Variants in PLK1 observed in about 807,000 individuals in gnomAD.
The protein encoded by PLK1 is polo like kinase 1, also known as serine/threonine-protein kinase PLK1.
Under a neutral mutation model 56.7 loss-of-function variants are expected in PLK1, and 6 were observed. That is an observed-to-expected ratio of 0.11 (90% CI 0.06 to 0.21). The LOEUF is 0.21. Among genes scored for constraint, PLK1 ranks in the 10% least tolerant of loss-of-function variants. The pLI, the probability that PLK1 is intolerant of heterozygous loss-of-function variation, is 1.00. For synonymous variants in PLK1, 298 were observed against 325.0 expected, an observed-to-expected ratio of 0.92 and a Z score of 0.89; for missense variants, 546 against 814.4, an observed-to-expected ratio of 0.67 and a Z score of 4.01.
chr16:23,680,711 G>A lies in PLK1; in HGVS notation c.578-203G>A, dbSNP rs552019684. Among the ~76,000 whole-genome samples, 9 of 152,334 alleles carry A rather than the reference G, an allele frequency of 5.9e-5. No individual in the cohort carries two copies. In the South Asian group the frequency reaches 1.5e-3, roughly 25 times the overall value. On this transcript the variant is annotated intron_variant, in intron 2 of 9. Transcript: ENST00000300093. The stretch of plus-strand genomic sequence containing the variant: ...AAAGCATAGCCCCTTTCTAAAAGGA[G>A]GGGTGAGAAGTGTCACTGGAGGCAC...
chr16:23,680,161 T>C lies in PLK1; in HGVS notation c.486T>C (p.Leu162=). The C allele has an allele frequency of 6.2e-7, 1 of 1,613,940 alleles. No individual in the cohort carries two copies. The highest frequency in any genetic ancestry group is 8.5e-7 in the Non-Finnish European group (1 of 1,179,864). The change falls in exon 2 of 10, where the codon CTT becomes CTC. Residue 162 remains leucine, a synonymous_variant. Transcript: ENST00000300093. ...GATACTACCTACGGCAAATTGTGCT[T>C]GGCTGCCAGTACCTGCACCGAAACC... ...EARYYLRQIV[L]GCQYLHRNRV...
chr16:23,679,856 T>G, intron 1 of PLK1: 2 of 421,422 alleles, frequency 4.7e-6, no homozygotes, highest in Non-Finnish European at 4.2e-6. Flanking sequence ...GGAGAAGGGG[T>G]GCTGCGAATG....
chr16:23,681,080 G>A (rs765723666), intron 3 of PLK1, 22 bp downstream of exon 3: 2 of 1,609,476 alleles, frequency 1.2e-6, no homozygotes, highest in Non-Finnish European at 1.7e-6. Context: ...GTTGTCTCTG[G>A]ACCAACCTGG....
chr16:23,680,034 G>T, intron 1 of PLK1, 50 bp from the exon 2 acceptor site: 1 of 1,358,216 alleles, frequency 7.4e-7, no homozygotes. Context: ...CTTCCCCACC[G>T]GCCTCAATCC....
At chr16:23,679,904 G>A (rs117453848) in intron 1 of PLK1, 180 bp from the exon 2 acceptor site, 83 of 574,142 alleles carry the variant, frequency 1.4e-4, no homozygotes, top group Non-Finnish European at 2.4e-4. Flanking sequence ...AGATGCCGCT[G>A]TGCTGGAGAA....
intron 4 of PLK1, 54 bp downstream of exon 4, chr16:23,682,211 T>A (rs1008520309): frequency 1.0e-6 from 1 of 1,000,800 alleles, no homozygotes; most frequent in Admixed American, 1.7e-5. Context: ...AGAAGCTGTT[T>A]ATGGAGCCCA....
At chr16:23,687,241 G>C in intron 5 of PLK1, 1 of 328,500 alleles carries the variant, frequency 3.0e-6, no homozygotes. Context: ...TCATCCTGCA[G>C]GGCCACACCG....
At position 23,689,373 on chromosome 16, in the gene PLK1, C is replaced by G. The variant is rs1172564502; in HGVS notation, c.1406C>G (p.Pro469Arg). The change falls in exon 8 of 10, where the codon CCC (proline) becomes CGC (arginine). Residue 469 changes from proline to arginine, a missense_variant. By Grantham distance (103) the Pro-to-Arg change is moderately radical (BLOSUM62 -2). Transcript: ENST00000300093. The surrounding 1 kb of genome is among the most constrained non-coding windows in gnomAD (Gnocchi z 4.8). ...TCCTACCTCACCGTGAGTTCCCATCCCAACTCCTTGATGAAGAAGGTGAGT... is the reference window on the plus strand; with the variant it reads ...TCCTACCTCACCGTGAGTTCCCATCGCAACTCCTTGATGAAGAAGGTGAGT... ...TESYLTVSSH[P>R]NSLMKKITLL... 1 of 1,611,450 alleles carries G rather than the reference C, an allele frequency of 6.2e-7. No individual in the cohort carries two copies. Among genetic ancestry groups the G allele is most frequent in the East Asian group, 2.2e-5 (1 of 44,754 alleles).
chr16:23,687,348 G>C, intron 5 of PLK1, 121 bp from the exon 6 acceptor site: 1 of 749,300 alleles, frequency 1.3e-6, no homozygotes, highest in Non-Finnish European at 2.1e-6. Flanking sequence ...TAGTAACCAG[G>C]CACTGATTCA....
chr16:23,682,714 T>G (rs1189321764), intron 4 of PLK1, among the ~76,000 whole-genome samples: 1 of 149,052 alleles, frequency 6.7e-6, no homozygotes, highest in Non-Finnish European at 1.5e-5. Flanking sequence ...GTATTTTTAG[T>G]AGAGACGGGG....
chr16:23,687,269 G>A, intron 5 of PLK1, 200 bp from the exon 6 acceptor site: 1 of 394,538 alleles, frequency 2.5e-6, no homozygotes. Flanking sequence ...AGAGGCCACG[G>A]CTTCTGAAGA....
chr16:23,681,990 G>A (rs771853234), intron 3 of PLK1, 74 bp from the exon 4 acceptor site: 69 of 831,606 alleles, frequency 8.3e-5, no homozygotes, highest in Admixed American at 3.1e-4. Flanking sequence ...CCTTTGTTCT[G>A]ACCCTGAGAT....
intron 5 of PLK1, among the ~76,000 whole-genome samples, chr16:23,686,186 G>A (rs923543599): frequency 1.3e-5 from 2 of 152,032 alleles, no homozygotes; most frequent in African/African-American, 4.8e-5. Context: ...CTTTAGGCAT[G>A]TGCCACCGCG....
intron 1 of PLK1, chr16:23,679,706 G>A (rs900230814): frequency 4.3e-5 from 12 of 280,518 alleles, no homozygotes; most frequent in Non-Finnish European, 8.0e-5. Flanking sequence ...GGGTGGAGCT[G>A]GGTCAGTGGG....
chr16:23,682,286 C>G (rs1169996029), intron 4 of PLK1, 129 bp downstream of exon 4: 2 of 599,356 alleles, frequency 3.3e-6, no homozygotes, highest in Non-Finnish European at 6.0e-6. Context: ...CTTGAGAGGG[C>G]CTGTGTCTGA....
rs1334309293 is a variant in PLK1 at position 23,690,010 on chromosome 16, G to A, written c.1759G>A (p.Val587Met). 10 of 1,613,330 alleles carry A rather than the reference G, an allele frequency of 6.2e-6. No individual in the cohort carries two copies. The highest frequency in any genetic ancestry group is 1.3e-5 in the African/African-American group (1 of 74,936). Reference protein sequence around the residue: ...ASRLRYARTMVDKLLSSRSAS... With the variant: ...ASRLRYARTMMDKLLSSRSAS... ...CCGGCTCCGCTACGCCCGCACTATG[G>A]TGGACAAGCTGCTGAGCTCACGCTC... The change falls in exon 10 of 10, where the codon GTG (valine) becomes ATG (methionine). Residue 587 changes from valine to methionine, a missense_variant. By Grantham distance (21) the Val-to-Met change is conservative (BLOSUM62 1). Transcript: ENST00000300093.
At chr16:23,682,330 T>G (rs1469268593) in intron 4 of PLK1, among the ~76,000 whole-genome samples, 173 bp downstream of exon 4, 2 of 152,118 alleles carry the variant, frequency 1.3e-5, no homozygotes, top group African/African-American at 4.8e-5. Flanking sequence ...TATGTGCACA[T>G]AAGCATTTTT....
At chr16:23,680,032 C>T in intron 1 of PLK1, 52 bp from the exon 2 acceptor site, 1 of 1,346,410 alleles carries the variant, frequency 7.4e-7, no homozygotes, top group Non-Finnish European at 1.1e-6. Context: ...CCCTTCCCCA[C>T]CGGCCTCAAT....
At chr16:23,687,854 C>A in intron 6 of PLK1, 1 of 350,912 alleles carries the variant, frequency 2.8e-6, no homozygotes, top group Non-Finnish European at 5.1e-6. Context: ...TACGCTGTTT[C>A]TTTTGCTCAG....
Sources: gnomAD v4.1 joint callset for allele counts (sites outside exome capture counted in the v4.1 genomes callset) on GRCh38, gnomAD v4.1.1 for gene constraint, Gnocchi (gnomAD v3.1) non-coding constraint, MANE v1.5 for transcripts, NCBI Gene and HGNC (gene_info 2026-07-23, HGNC 2026-07-21) for gene names.